Variants in DLG1 observed in about 807,000 individuals in gnomAD.
DLG1 encodes the protein disks large homolog 1.
A neutral mutation model predicts 123.4 loss-of-function variants in DLG1; 42 were observed. The observed-to-expected ratio is 0.34, with a 90% CI of 0.27 to 0.44. The LOEUF is 0.44. Among genes scored for constraint, DLG1 ranks in the 20% least tolerant of loss-of-function variants. The probability of loss-of-function intolerance (pLI) is 1.00; values close to 1 mark genes in which losing one functional copy is unlikely to be tolerated. For missense variants in DLG1, 942 were observed against 1,082.6 expected (o/e 0.87, Z 1.82); for synonymous variants, 317 against 356.2 (o/e 0.89, Z 1.24).
intron 15 of DLG1, 121 bp downstream of exon 15, chr3:197,090,788 AAAC>A (rs1014071757): frequency 1.9e-6 from 1 of 525,010 alleles, no homozygotes. Context: ...CAATAATAAA[AAAC>A]AACACTGATT....
intron 4 of DLG1, among the ~76,000 whole-genome samples, chr3:197,235,148 C>G (rs1286248346): frequency 6.6e-6 from 1 of 152,084 alleles, no homozygotes; most frequent in Non-Finnish European, 1.5e-5. Context: ...GTGAGCTCTA[C>G]GATCTTCCTG....
At chr3:197,194,171 T>C (rs973872700) in intron 5 of DLG1, among the ~76,000 whole-genome samples, 2 of 152,208 alleles carry the variant, frequency 1.3e-5, no homozygotes, top group African/African-American at 4.8e-5. Flanking sequence ...TGAAATTTAA[T>C]AGTTATTTCC....
chr3:197,255,411 AAAGT>A (rs2150904836), intron 4 of DLG1, among the ~76,000 whole-genome samples: 2 of 152,324 alleles, frequency 1.3e-5, no homozygotes, highest in African/African-American at 4.8e-5. Context: ...GTGAACTTAT[AAAGT>A]AAGTGAAAGT....
At chr3:197,199,379 G>T (rs953702053) in intron 4 of DLG1, among the ~76,000 whole-genome samples, 1 of 152,118 alleles carries the variant, frequency 6.6e-6, no homozygotes, top group African/African-American at 2.4e-5. Flanking sequence ...GACCTTATGT[G>T]ATGGGTTGCA....
intron 5 of DLG1, chr3:197,161,815 A>C: frequency 1.1e-6 from 1 of 872,486 alleles, no homozygotes; most frequent in Non-Finnish European, 1.8e-6. Context: ...GCTGTGCCAT[A>C]AAGATAAATT....
chr3:197,155,301 C>A (rs1795890130), intron 5 of DLG1, among the ~76,000 whole-genome samples: 2 of 152,184 alleles, frequency 1.3e-5, no homozygotes, highest in South Asian at 4.2e-4. Context: ...ACGAAAAAAA[C>A]CCAAACCTGT....
chr3:197,289,419 G>A (rs1773764686), intron 3 of DLG1, among the ~76,000 whole-genome samples: 1 of 151,840 alleles, frequency 6.6e-6, no homozygotes, highest in African/African-American at 2.4e-5. Flanking sequence ...GGTAACCTCT[G>A]GTGTGAATAT....
At chr3:197,203,894 A>G (rs776733486) in intron 4 of DLG1, among the ~76,000 whole-genome samples, 1 of 152,230 alleles carries the variant, frequency 6.6e-6, no homozygotes, top group African/African-American at 2.4e-5. Flanking sequence ...GTGGGGGCCC[A>G]AACAACACAG....
rs1387254930 is a variant in DLG1 at position 197,269,497 on chromosome 3, T to C, written c.318+13182A>G. On this transcript the variant is annotated intron_variant, in intron 4 of 24. Transcript: ENST00000667157. ...TCTCCTTATTTTAACTTTATTGCAG[T>C]ATTTTCCTTTGTCTAGGTAACAAGT... Among the ~76,000 whole-genome samples the C allele has an allele frequency of 2.0e-5, 3 of 152,226 alleles. No individual in the cohort carries two copies. The East Asian group carries it at 5.8e-4, about 29-fold the overall frequency.
At chr3:197,223,216 G>A (rs928056302) in intron 4 of DLG1, among the ~76,000 whole-genome samples, 2 of 152,100 alleles carry the variant, frequency 1.3e-5, no homozygotes, top group Non-Finnish European at 1.5e-5. Context: ...CGCGAGACAT[G>A]AGAGATTAAA....
intron 4 of DLG1, among the ~76,000 whole-genome samples, chr3:197,203,237 C>T (rs1726760879): frequency 6.6e-6 from 1 of 152,026 alleles, no homozygotes. Context: ...GCCCTCCAGC[C>T]TAGGCAACAG....
At chr3:197,116,648 C>G (rs1048074420) in intron 12 of DLG1, among the ~76,000 whole-genome samples, 6 of 152,104 alleles carry the variant, frequency 3.9e-5, no homozygotes, top group Non-Finnish European at 8.8e-5. Context: ...TTATCAAGGA[C>G]AAAGCATCTT....
intron 13 of DLG1, among the ~76,000 whole-genome samples, chr3:197,108,283 TTGGTATAAGGATAATAC>T (rs1285090170): frequency 4.6e-5 from 7 of 152,204 alleles, no homozygotes; most frequent in African/African-American, 1.4e-4. Context: ...TGTCTTTGGT[TTGGTATAAGGATAATAC>T]TGGCCACACA....
At chr3:197,296,647 A>C (rs1164303656) in intron 2 of DLG1, 170 bp from the exon 3 acceptor site, 1 of 506,100 alleles carries the variant, frequency 2.0e-6, no homozygotes, top group Non-Finnish European at 3.4e-6. Flanking sequence ...AAAAATAAAA[A>C]AAAAAATTAA....
In DLG1 at chr3:197,210,638, TAA is replaced by T. The variant is rs560864267; in HGVS notation, c.319-16051_319-16050del. 4.0e-4 allele frequency among the ~76,000 whole-genome samples: 57 copies of T among 142,642 alleles called. 7 individuals carry two copies. The highest frequency in any genetic ancestry group is 2.4e-3 in the South Asian group (9 of 3,734). 93.6% of individuals were successfully genotyped at this position (142,642 alleles called of 152,430 possible). A position where few individuals can be genotyped will look rare whatever the true frequency, so the allele number is the denominator to read the frequency against. On this transcript the variant is annotated intron_variant, in intron 4 of 24. Coordinates refer to ENST00000667157, the MANE Select transcript of DLG1 (RefSeq NM_001366207.1). ...CCTCTCAAATTTATATATATATATA[TAA>T]GTCTTTATAAGAAATATATTTTCTT... is the stretch of plus-strand genomic sequence containing the variant.
intron 23 of DLG1, among the ~76,000 whole-genome samples, chr3:197,057,556 A>C (rs901071235): frequency 1.3e-5 from 2 of 151,984 alleles, no homozygotes; most frequent in Non-Finnish European, 2.9e-5. Flanking sequence ...AAGATGCACC[A>C]ATCTGCACCC....
intron 19 of DLG1, among the ~76,000 whole-genome samples, chr3:197,068,799 T>C (rs886252005): frequency 1.3e-5 from 2 of 152,112 alleles, no homozygotes; most frequent in African/African-American, 4.8e-5. Flanking sequence ...AACAATGACA[T>C]GACCCAGATC....
At chr3:197,135,027 C>T (rs1784416169) in intron 10 of DLG1, among the ~76,000 whole-genome samples, 1 of 152,182 alleles carries the variant, frequency 6.6e-6, no homozygotes, top group African/African-American at 2.4e-5. Flanking sequence ...GACTGTTATA[C>T]ATGACAAGCA....
intron 4 of DLG1, among the ~76,000 whole-genome samples, chr3:197,243,136 C>T (rs138140473): frequency 5.9e-5 from 9 of 152,290 alleles, no homozygotes; most frequent in African/African-American, 2.2e-4. Flanking sequence ...TTTCTGTGTC[C>T]TCCCCCAGTT....
Sources: allele counts gnomAD v4.1 joint callset (sites outside exome capture counted in the v4.1 genomes callset), GRCh38; gene constraint gnomAD v4.1.1; transcripts MANE v1.5; gene names NCBI Gene and HGNC (gene_info 2026-07-23, HGNC 2026-07-21).